Variants in SLC24A2 observed in about 807,000 individuals in gnomAD.
The protein encoded by SLC24A2 is solute carrier family 24 member 2, also known as sodium/potassium/calcium exchanger 2.
A neutral mutation model predicts 62.0 loss-of-function variants in SLC24A2; 36 were observed. The ratio of observed to expected loss-of-function variants is 0.58; its 90% CI spans 0.44 to 0.77. The LOEUF (loss-of-function observed/expected upper bound fraction) is 0.77. SLC24A2 is among the 30% of genes least tolerant of loss of function. The pLI is 0.00. For missense variants in SLC24A2, 846 were observed against 817.9 expected (o/e 1.03, Z -0.42); for synonymous variants, 358 against 294.0 (o/e 1.22, Z -2.23).
upstream of SLC24A2, among the ~76,000 whole-genome samples, chr9:19,791,707 A>G (rs1348026315): frequency 6.6e-6 from 1 of 152,252 alleles, no homozygotes; most frequent in African/African-American, 2.4e-5. Flanking sequence ...CACAGACCTT[A>G]TTGCCTAGTC....
intron 9 of SLC24A2, among the ~76,000 whole-genome samples, chr9:19,523,919 T>C (rs552914019): frequency 6.6e-6 from 1 of 151,978 alleles, no homozygotes; most frequent in Admixed American, 6.6e-5. Flanking sequence ...AAACCCCTGG[T>C]GAATCTGTGT....
chr9:19,731,516 C>CTCTCTCCGTGT lies in SLC24A2; in HGVS notation c.930+54420_930+54421insACACGGAGAGA, dbSNP rs72153360. On this transcript the variant is annotated intron_variant, in intron 2 of 10. Coordinates refer to ENST00000341998, the MANE Select transcript of SLC24A2 (RefSeq NM_020344.4). ...ACTTGTTTCTCTCTCTCTCTCTCTC[C>CTCTCTCCGTGT]GTGTGTGTGTGTGTGTGTGTGTGTG... Among the ~76,000 whole-genome samples the CTCTCTCCGTGT allele has an allele frequency of 1.6e-4, 18 of 113,824 alleles. No individual in the cohort carries two copies. In the East Asian group the frequency reaches 3.0e-3, roughly 19 times the overall value. 74.7% of individuals were successfully genotyped at this position (113,824 alleles called of 152,430 possible).
At chr9:19,672,459 T>C (rs1262783100) in intron 2 of SLC24A2, among the ~76,000 whole-genome samples, 1 of 146,726 alleles carries the variant, frequency 6.8e-6, no homozygotes, top group Non-Finnish European at 1.5e-5. Context: ...TAATGGTCTA[T>C]CAATTTTATT....
chr9:19,552,196 G>C (rs1834878425), intron 7 of SLC24A2, among the ~76,000 whole-genome samples: 1 of 152,126 alleles, frequency 6.6e-6, no homozygotes, highest in South Asian at 2.1e-4. Flanking sequence ...GAAGCTTGGT[G>C]TGCTGGCTCT....
At chr9:19,518,619 A>G (rs1325038378) in intron 10 of SLC24A2, among the ~76,000 whole-genome samples, 1 of 152,008 alleles carries the variant, frequency 6.6e-6, no homozygotes, top group Non-Finnish European at 1.5e-5. Flanking sequence ...ACAGGTTTGC[A>G]CCATCTGGGC....
intron 2 of SLC24A2, among the ~76,000 whole-genome samples, chr9:19,761,520 T>C (rs79568241): frequency 0.26 from 38,943 of 151,868 alleles, 5,179 homozygotes; most frequent in South Asian, 0.29. Context: ...TTAGGGTACA[T>C]GTGCACAACG....
intron 4 of SLC24A2, among the ~76,000 whole-genome samples, chr9:19,617,773 T>C (rs1039997847): frequency 6.6e-6 from 1 of 152,218 alleles, no homozygotes; most frequent in Admixed American, 6.5e-5. Context: ...ACAATTTTCC[T>C]AAGAGCCCTG....
At chr9:19,720,699 C>G (rs991699609) in intron 2 of SLC24A2, among the ~76,000 whole-genome samples, 872 of 82,392 alleles carry the variant, frequency 0.011, 10 homozygotes, top group African/African-American at 0.03. Context: ...ACCCCCCCCC[C>G]CAAAAAAAAT....
At chr9:20,266,515 T>C in the SLC24A2 span, among the ~76,000 whole-genome samples, 1 of 152,052 alleles carries the variant, frequency 6.6e-6, no homozygotes, top group African/African-American at 2.4e-5. Flanking sequence ...ATAACTGCTT[T>C]TCAAGTTTCC....
chr9:20,233,677 T>C, the SLC24A2 span, among the ~76,000 whole-genome samples: 1 of 152,240 alleles, frequency 6.6e-6, no homozygotes, highest in Non-Finnish European at 1.5e-5. Flanking sequence ...TGAATCTTTA[T>C]CCAATTTGCC....
chr9:20,160,979 G>GA, the SLC24A2 span, among the ~76,000 whole-genome samples: 1 of 150,924 alleles, frequency 6.6e-6, no homozygotes, highest in Non-Finnish European at 1.5e-5. Flanking sequence ...TCAATAAAAT[G>GA]AAAAAACTAC....
intron 2 of SLC24A2, among the ~76,000 whole-genome samples, chr9:19,752,079 G>T (rs548307988): frequency 3.0e-4 from 46 of 152,264 alleles, no homozygotes; most frequent in African/African-American, 1.1e-3. Flanking sequence ...AATTAGACCT[G>T]AAAATGTTCA....
chr9:20,241,745 G>A, the SLC24A2 span, among the ~76,000 whole-genome samples: 4 of 152,102 alleles, frequency 2.6e-5, no homozygotes, highest in Admixed American at 6.5e-5. Flanking sequence ...AGGCTGAGTA[G>A]AGAGGAGTGG....
intron 2 of SLC24A2, among the ~76,000 whole-genome samples, chr9:19,643,248 T>A (rs1196930186): frequency 1.3e-5 from 2 of 152,178 alleles, no homozygotes; most frequent in African/African-American, 4.8e-5. Flanking sequence ...ATCTATAGTA[T>A]AAAACTATTA....
the SLC24A2 span, among the ~76,000 whole-genome samples, chr9:19,997,500 A>G: frequency 6.6e-6 from 1 of 152,194 alleles, no homozygotes; most frequent in Non-Finnish European, 1.5e-5. Flanking sequence ...TGTGAGCCCA[A>G]GAAGATCAGA....
chr9:19,690,819 G>A (rs983902182), intron 2 of SLC24A2, among the ~76,000 whole-genome samples: 7 of 152,186 alleles, frequency 4.6e-5, no homozygotes, highest in African/African-American at 1.7e-4. Context: ...GCTGAATAAT[G>A]AATGTGCACA....
chr9:19,814,049 G>A, the SLC24A2 span, among the ~76,000 whole-genome samples: 3 of 152,052 alleles, frequency 2.0e-5, no homozygotes, highest in African/African-American at 7.2e-5. Flanking sequence ...GCCCCTTAAT[G>A]GCTTTAAACA....
chr9:20,113,176 AG>A, the SLC24A2 span, among the ~76,000 whole-genome samples: 2 of 152,136 alleles, frequency 1.3e-5, no homozygotes, highest in Admixed American at 1.3e-4. Flanking sequence ...GGACTGGTCA[AG>A]AAATCACTCC....
At chr9:19,961,540 G>T in the SLC24A2 span, among the ~76,000 whole-genome samples, 1 of 152,140 alleles carries the variant, frequency 6.6e-6, no homozygotes, top group South Asian at 2.1e-4. Flanking sequence ...CTATGGCATG[G>T]CCCCACACTC....
Sources: allele counts gnomAD v4.1 joint callset (sites outside exome capture counted in the v4.1 genomes callset), GRCh38; gene constraint gnomAD v4.1.1; transcripts MANE v1.5; gene names NCBI Gene and HGNC (gene_info 2026-07-23, HGNC 2026-07-21).